KLHL32: variants seen among roughly 807,000 people sequenced by gnomAD.
KLHL32 encodes the protein kelch-like protein 32.
In KLHL32, 35 loss-of-function variants were observed where a neutral mutation model predicts 64.8. The ratio of observed to expected loss-of-function variants is 0.54; its 90% CI spans 0.41 to 0.72. The LOEUF is 0.72. Among genes scored for constraint, KLHL32 ranks in the 30% least tolerant of loss-of-function variants. The probability of loss-of-function intolerance (pLI) is 0.00; values close to 1 mark genes in which losing one functional copy is unlikely to be tolerated. For missense variants in KLHL32, 589 were observed against 768.5 expected, an observed-to-expected ratio of 0.77 and a Z score of 2.76; for synonymous variants, 259 against 281.0, an observed-to-expected ratio of 0.92 and a Z score of 0.78.
At chr6:96,928,201 G>T (rs28385593) in intron 1 of KLHL32, among the ~76,000 whole-genome samples, 19,694 of 152,174 alleles carry the variant, frequency 0.13, 1,561 homozygotes, top group East Asian at 0.26. Flanking sequence ...GATCAGGTCA[G>T]TCCCTAGGTA....
At chr6:97,019,127 A>T (rs1163523087) in intron 3 of KLHL32, among the ~76,000 whole-genome samples, 1 of 152,252 alleles carries the variant, frequency 6.6e-6, no homozygotes, top group African/African-American at 2.4e-5. Context: ...ATTGTAAAAA[A>T]TACTCTTAAA....
At chr6:96,933,738 G>A (rs1378338292) in intron 1 of KLHL32, among the ~76,000 whole-genome samples, 2 of 152,160 alleles carry the variant, frequency 1.3e-5, no homozygotes, top group African/African-American at 4.8e-5. Flanking sequence ...TCCTTGGCCA[G>A]TTTTGAGACC....
intron 3 of KLHL32, among the ~76,000 whole-genome samples, chr6:97,021,781 G>A (rs1782019938): frequency 1.3e-5 from 2 of 150,946 alleles, no homozygotes; most frequent in East Asian, 3.9e-4. Flanking sequence ...CTAGTTGGAT[G>A]TTTAAGAGGC....
the KLHL32 span, among the ~76,000 whole-genome samples, chr6:96,901,756 TCCAGTGTTTGTTGTTCCC>T: frequency 6.6e-6 from 1 of 152,092 alleles, no homozygotes; most frequent in Admixed American, 6.5e-5. Context: ...TCCAACAGGC[TCCAGTGTTTGTTGTTCCC>T]CCTCCATGTG....
intron 6 of KLHL32, among the ~76,000 whole-genome samples, chr6:97,095,658 C>T (rs1794886058): frequency 6.6e-6 from 1 of 152,196 alleles, no homozygotes; most frequent in Non-Finnish European, 1.5e-5. Context: ...GCCAACACCA[C>T]ACTGAGAGAA....
intron 3 of KLHL32, among the ~76,000 whole-genome samples, chr6:97,005,997 G>A (rs1779619249): frequency 1.3e-5 from 2 of 152,122 alleles, no homozygotes; most frequent in South Asian, 4.1e-4. Flanking sequence ...TTGTTTTGGG[G>A]CATCAAGTTC....
intron 5 of KLHL32, among the ~76,000 whole-genome samples, chr6:97,077,956 C>T (rs1791865880): frequency 6.6e-6 from 1 of 152,118 alleles, no homozygotes; most frequent in Admixed American, 6.5e-5. Flanking sequence ...GCATGAATAG[C>T]TTAGTGACAA....
intron 3 of KLHL32, among the ~76,000 whole-genome samples, chr6:96,984,593 G>T (rs1026288861): frequency 6.6e-6 from 1 of 152,166 alleles, no homozygotes; most frequent in African/African-American, 2.4e-5. Context: ...AGGATAGTTA[G>T]CTCTTCTTGT....
chr6:96,992,338 C>T (rs1777981674), intron 3 of KLHL32, among the ~76,000 whole-genome samples: 1 of 152,228 alleles, frequency 6.6e-6, no homozygotes, highest in South Asian at 2.1e-4. Context: ...GGCTCTTCGC[C>T]TCTCCCCGGT....
rs146504105 is a variant in KLHL32 at position 97,040,426 on chromosome 6, T to C, written c.205-1066T>C. Among the ~76,000 whole-genome samples, 938 of 152,228 alleles carry C rather than the reference T, an allele frequency of 6.2e-3. 18 individuals are homozygous for C. Among genetic ancestry groups the C allele is most frequent in the Admixed American group, 0.039 (595 of 15,298 alleles). ...GTAAATTGGCCATTTGGAGAATTGGTTGGGGGCAAATTCACTTGCACTGAA... is the reference window on the plus strand; with the variant it reads ...GTAAATTGGCCATTTGGAGAATTGGCTGGGGGCAAATTCACTTGCACTGAA... On this transcript the variant is annotated intron_variant, in intron 3 of 10. Transcript: ENST00000369261.
intron 1 of KLHL32, among the ~76,000 whole-genome samples, chr6:96,926,133 G>A (rs1339686418): frequency 2.6e-5 from 4 of 152,156 alleles, no homozygotes; most frequent in Non-Finnish European, 4.4e-5. Context: ...CACTTTGCAC[G>A]AATTTCATGC....
chr6:97,023,920 A>G (rs1392634516), intron 3 of KLHL32, among the ~76,000 whole-genome samples: 1 of 152,184 alleles, frequency 6.6e-6, no homozygotes, highest in Non-Finnish European at 1.5e-5. Context: ...TCCTAAAGCA[A>G]TTGTGACTTT....
At chr6:97,062,296 C>T (rs1789037126) in intron 4 of KLHL32, 1 of 152,192 alleles carries the variant, frequency 6.6e-6, no homozygotes, top group Non-Finnish European at 1.5e-5. Flanking sequence ...GCTAAACCAA[C>T]CTTTCTAATC....
intron 4 of KLHL32, 104 bp downstream of exon 4, chr6:97,041,703 T>C (rs960872667): frequency 2.8e-5 from 18 of 638,482 alleles, no homozygotes; most frequent in Non-Finnish European, 4.9e-5. Context: ...TTGTTACTCA[T>C]TTTGATGTTA....
At chr6:97,014,695 TG>T (rs1780900392) in intron 3 of KLHL32, among the ~76,000 whole-genome samples, 2 of 152,350 alleles carry the variant, frequency 1.3e-5, no homozygotes, top group Admixed American at 1.3e-4. Context: ...TCATGAAAAC[TG>T]AGGCTTAGGG....
chr6:96,938,032 A>T (rs1009974781), intron 1 of KLHL32, among the ~76,000 whole-genome samples: 3 of 152,218 alleles, frequency 2.0e-5, no homozygotes, highest in Non-Finnish European at 2.9e-5. Context: ...CTTTAGTGTT[A>T]TGTATTTCTG....
At chr6:96,997,472 G>C (rs1426144835) in intron 3 of KLHL32, among the ~76,000 whole-genome samples, 8 of 152,140 alleles carry the variant, frequency 5.3e-5, no homozygotes, top group African/African-American at 1.9e-4. Context: ...AGGTGGCCAG[G>C]CATGGTGGCT....
At chr6:97,039,299 TGTTAA>T (rs1308850955) in intron 3 of KLHL32, among the ~76,000 whole-genome samples, 3 of 152,022 alleles carry the variant, frequency 2.0e-5, no homozygotes, top group African/African-American at 7.2e-5. Context: ...AGACAAATAT[TGTTAA>T]GTTGTCACTC....
At chr6:97,131,334 G>C (rs1352141779) in intron 9 of KLHL32, among the ~76,000 whole-genome samples, 2 of 152,140 alleles carry the variant, frequency 1.3e-5, no homozygotes, top group African/African-American at 4.8e-5. Flanking sequence ...CTTATTTCTT[G>C]TGAGTTCAGG....
Sources: allele counts gnomAD v4.1 joint callset (sites outside exome capture counted in the v4.1 genomes callset), GRCh38; gene constraint gnomAD v4.1.1; transcripts MANE v1.5; gene names NCBI Gene and HGNC (gene_info 2026-07-23, HGNC 2026-07-21).